The following CNIH1 variants were observed in gnomAD, a reference collection of about 807,000 sequenced individuals.
The protein encoded by CNIH1 is protein cornichon homolog 1.
CNIH1 carries 12 observed loss-of-function variants against 20.2 expected under a neutral mutation model. The observed-to-expected ratio is 0.59, with a 90% CI of 0.38 to 0.96. The LOEUF is 0.96. Ranked by LOEUF, CNIH1 falls within the 40% of genes least tolerant of loss-of-function variation. The pLI, the probability that CNIH1 is intolerant of heterozygous loss-of-function variation, is 0.00. For missense variants in CNIH1, 152 were observed against 178.8 expected (o/e 0.85, Z 0.85); for synonymous variants, 69 against 63.3 (o/e 1.09, Z -0.43).
At chr14:54,440,035 G>A (rs759697430) in intron 1 of CNIH1, among the ~76,000 whole-genome samples, 6 of 152,186 alleles carry the variant, frequency 3.9e-5, no homozygotes, top group Non-Finnish European at 7.3e-5. Context: ...AAGTATTCCT[G>A]ATTACAATAA....
chr14:54,438,750 C>T (rs937873169), intron 1 of CNIH1, among the ~76,000 whole-genome samples: 2 of 152,192 alleles, frequency 1.3e-5, no homozygotes, highest in African/African-American at 2.4e-5. Context: ...GGTTTAACTC[C>T]TCCAAATCTC....
chr14:54,429,295 C>T (rs1036063649), intron 4 of CNIH1, among the ~76,000 whole-genome samples: 2 of 152,140 alleles, frequency 1.3e-5, no homozygotes, highest in South Asian at 2.1e-4. Flanking sequence ...CATGAGGGGG[C>T]AGGAGGGTGC....
At chr14:54,440,152 T>C (rs534582336) in intron 1 of CNIH1, among the ~76,000 whole-genome samples, 39 of 152,382 alleles carry the variant, frequency 2.6e-4, no homozygotes, top group Admixed American at 1.8e-3. Flanking sequence ...AAGACGCTGC[T>C]GCTGTTTAAT....
At chr14:54,437,966 G>A (rs2031088034) in intron 1 of CNIH1, among the ~76,000 whole-genome samples, 1 of 149,992 alleles carries the variant, frequency 6.7e-6, no homozygotes, top group South Asian at 2.1e-4. Context: ...TTTTCTCCAG[G>A]TGACTTCAAG....
rs1221812961 is a variant in CNIH1 at position 54,432,150 on chromosome 14, G to A, written c.221C>T (p.Thr74Ile). 1 of 1,570,714 alleles carries A rather than the reference G, an allele frequency of 6.4e-7. No individual in the cohort carries two copies. Among genetic ancestry groups the A allele is most frequent in the Admixed American group, 1.9e-5 (1 of 52,942 alleles). ...VMFLCAAEWLTLGLNMPLLAY... is the reference protein window; with the variant it reads ...VMFLCAAEWLILGLNMPLLAY... ...CAAGAGGGGCATATTGAGACCCAGTGTAAGCCACTCTGCTGCACAAAGAAA... is the reference window on the plus strand; with the variant it reads ...CAAGAGGGGCATATTGAGACCCAGTATAAGCCACTCTGCTGCACAAAGAAA... The change falls in exon 3 of 5, where the codon ACA becomes ATA. Residue 74 changes from threonine (T) to isoleucine (I), a missense_variant. Transcript: ENST00000216416.
At position 54,425,089 on chromosome 14, in the gene CNIH1, G is replaced by A. The variant is rs777870243; in HGVS notation, c.*2725C>T. The A allele has an allele frequency of 6.6e-6, 1 of 152,080 alleles. No individual in the cohort carries two copies. The highest frequency in any genetic ancestry group is 2.4e-5 in the African/African-American group (1 of 41,410). The allele number at this position is 152,080 out of a possible 1,614,324, so 9.4% of individuals were successfully genotyped here. On this transcript the variant is annotated 3_prime_UTR_variant, in exon 5 of 5. Coordinates refer to ENST00000216416, the MANE Select transcript of CNIH1 (RefSeq NM_005776.3). ...CTGTCAAACATCATTAATAACATTT[G>A]GATATGAGTGTTCAAATAATTTCTA...
At chr14:54,434,965 C>T (rs2031027510) in intron 2 of CNIH1, among the ~76,000 whole-genome samples, 2 of 152,216 alleles carry the variant, frequency 1.3e-5, no homozygotes, top group South Asian at 4.1e-4. Flanking sequence ...CCACCATCCA[C>T]ATTTATCTGG....
chr14:54,426,637 T>A lies in CNIH1; in HGVS notation c.*1177A>T, dbSNP rs1486294829. On this transcript the variant is annotated 3_prime_UTR_variant, in exon 5 of 5. Transcript: ENST00000216416. ...AGCCATTTTACCTTAAAACTGACTG[T>A]TCCAAAAAGGAAAAATCAAAGTAAA... The A allele has an allele frequency of 6.6e-6, 1 of 152,206 alleles. No individual in the cohort carries two copies. Among genetic ancestry groups the A allele is most frequent in the Non-Finnish European group, 1.5e-5 (1 of 68,018 alleles). 9.4% of individuals were successfully genotyped at this position (152,206 alleles called of 1,614,324 possible).
chr14:54,434,576 A>C (rs776666438), intron 2 of CNIH1, among the ~76,000 whole-genome samples: 1 of 152,214 alleles, frequency 6.6e-6, no homozygotes, highest in Non-Finnish European at 1.5e-5. Context: ...GATTGTCATG[A>C]GAATTAAATT....
chr14:54,424,378 C>T lies in CNIH1; in HGVS notation c.*3436G>A, dbSNP rs1477503299. 2.6e-5 allele frequency: 4 copies of T among 152,172 alleles called. No individual in the cohort carries two copies. Among genetic ancestry groups the T allele is most frequent in the South Asian group, 4.1e-4 (2 of 4,836 alleles). 9.4% of individuals were successfully genotyped at this position (152,172 alleles called of 1,614,324 possible). On this transcript the variant is annotated 3_prime_UTR_variant, in exon 5 of 5. Transcript: ENST00000216416. ...TCATGATATACAACTGAGAGATGTACATTTATGGATGTTAAATGACATAAA... is the reference window on the plus strand; with the variant it reads ...TCATGATATACAACTGAGAGATGTATATTTATGGATGTTAAATGACATAAA...
chr14:54,438,049 G>A (rs966665923), intron 1 of CNIH1, among the ~76,000 whole-genome samples: 3 of 150,720 alleles, frequency 2.0e-5, no homozygotes, highest in Admixed American at 6.6e-5. Context: ...GCACAATCTC[G>A]GCTCACTGCA....
At chr14:54,438,133 C>T (rs1022532671) in intron 1 of CNIH1, among the ~76,000 whole-genome samples, 2 of 152,098 alleles carry the variant, frequency 1.3e-5, no homozygotes, top group Non-Finnish European at 2.9e-5. Context: ...GTGCATGCCA[C>T]CATGCCTGGC....
At chr14:54,439,912 C>T (rs970633937) in intron 1 of CNIH1, among the ~76,000 whole-genome samples, 2 of 152,188 alleles carry the variant, frequency 1.3e-5, no homozygotes, top group Middle Eastern at 3.2e-3. Context: ...CCCAAATTAT[C>T]TTAGGTATTG....
chr14:54,439,453 TAAG>T (rs1418189460), intron 1 of CNIH1, among the ~76,000 whole-genome samples: 1 of 151,958 alleles, frequency 6.6e-6, no homozygotes, highest in Admixed American at 6.6e-5. Flanking sequence ...CCCACCACTC[TAAG>T]AATCCCCATC....
At chr14:54,430,184 G>T in intron 4 of CNIH1, 77 bp downstream of exon 4, 1 of 1,420,018 alleles carries the variant, frequency 7.0e-7, no homozygotes, top group Non-Finnish European at 9.8e-7. Context: ...TGGATTTTGA[G>T]GTGTGAAAAC....
At position 54,430,281 on chromosome 14, in the gene CNIH1, T is replaced by A; in HGVS notation, c.387A>T (p.Ala129=). ...GWCKLAFYLL[A]FFYYLYGMIY... ...CTTACCCATATAGGTAGTAAAAAAA[T>A]GCTAGAAGATAAAAAGCTAATTTGC... Residue 129 remains alanine (A), a synonymous_variant, in exon 4 of 5, where the codon GCA becomes GCT. Coordinates refer to ENST00000216416, the MANE Select transcript of CNIH1 (RefSeq NM_005776.3). 1 of 1,614,076 alleles carries A rather than the reference T, an allele frequency of 6.2e-7. No homozygotes were observed.
intron 4 of CNIH1, among the ~76,000 whole-genome samples, chr14:54,428,205 C>T (rs1443321476): frequency 6.6e-6 from 1 of 152,144 alleles, no homozygotes; most frequent in Non-Finnish European, 1.5e-5. Flanking sequence ...CCTGTTAGGT[C>T]TCTTATATAC....
Position 54,424,736 on chromosome 14 carries a change from G to T in CNIH1, c.*3078C>A, listed in dbSNP as rs981081900. ...ACTGTTTGCAGGAGTGGTCGTCAAG[G>T]TGAAAACACTGAACTGGCTTTAAAA... On this transcript the variant is annotated 3_prime_UTR_variant, in exon 5 of 5. Coordinates refer to ENST00000216416, the MANE Select transcript of CNIH1 (RefSeq NM_005776.3). 2.0e-5 allele frequency: 3 copies of T among 152,194 alleles called. No homozygotes were observed. Among genetic ancestry groups the T allele is most frequent in the Admixed American group, 1.3e-4 (2 of 15,276 alleles). 9.4% of individuals were successfully genotyped at this position (152,194 alleles called of 1,614,324 possible).
intron 3 of CNIH1, among the ~76,000 whole-genome samples, chr14:54,431,591 G>A (rs1216788039): frequency 1.3e-5 from 2 of 152,120 alleles, no homozygotes; most frequent in African/African-American, 4.8e-5. Flanking sequence ...ATATTACTAT[G>A]GAAGTTATAA....
Sources: gnomAD v4.1 joint callset for allele counts (sites outside exome capture counted in the v4.1 genomes callset) on GRCh38, gnomAD v4.1.1 for gene constraint, MANE v1.5 for transcripts, NCBI Gene and HGNC (gene_info 2026-07-23, HGNC 2026-07-21) for gene names.